ERRFI1: variants seen among roughly 807,000 people sequenced by gnomAD.
The protein encoded by ERRFI1 is mitogen-inducible gene 6 protein.
A neutral mutation model predicts 14.6 loss-of-function variants in ERRFI1; 12 were observed. The observed-to-expected ratio is 0.82, with a 90% CI of 0.53 to 1.33. The LOEUF (loss-of-function observed/expected upper bound fraction) is 1.33, where lower values mean the gene tolerates loss of function less well. ERRFI1 is among the 40% of genes most tolerant of loss of function. The probability of loss-of-function intolerance (pLI) is 0.00; values close to 1 mark genes in which losing one functional copy is unlikely to be tolerated. For missense variants in ERRFI1, 482 were observed against 572.1 expected (o/e 0.84, Z 1.61); for synonymous variants, 202 against 209.9 (o/e 0.96, Z 0.32).
At chr1:8,024,991 G>T (rs1641324090) in intron 1 of ERRFI1, among the ~76,000 whole-genome samples, 1 of 152,090 alleles carries the variant, frequency 6.6e-6, no homozygotes, top group Non-Finnish European at 1.5e-5. Flanking sequence ...TGTACCCACT[G>T]CATTCTTACA....
Position 8,015,614 on chromosome 1 carries a change from T to C in ERRFI1, c.6A>G (p.Ser2=), listed in dbSNP as rs760063562. The change falls in exon 2 of 4, where the codon TCA becomes TCG. Residue 2 remains serine (S), a synonymous_variant. Coordinates refer to ENST00000377482, the MANE Select transcript of ERRFI1 (RefSeq NM_018948.4). M[S]IAGVAAQEIR... The stretch of plus-strand genomic sequence containing the variant: ...TCTCCTGAGCAGCAACTCCTGCTAT[T>C]GACATTGTGCCTTATTCTGGGACAT... The C allele has an allele frequency of 6.2e-7, 1 of 1,614,106 alleles. No homozygotes were observed. Among genetic ancestry groups the C allele is most frequent in the Non-Finnish European group, 8.5e-7 (1 of 1,179,954 alleles).
intron 1 of ERRFI1, among the ~76,000 whole-genome samples, chr1:8,022,435 T>C (rs879301876): frequency 1.3e-5 from 2 of 152,214 alleles, no homozygotes; most frequent in Non-Finnish European, 2.9e-5. Context: ...AGCACCTTCT[T>C]ACACATTATC....
In ERRFI1 at chr1:8,013,574, A is replaced by T. The variant is rs765809707; in HGVS notation, c.1025T>A (p.Leu342His). 1 of 1,613,924 alleles carries T rather than the reference A, an allele frequency of 6.2e-7. No individual in the cohort carries two copies. Among genetic ancestry groups the T allele is most frequent in the South Asian group, 1.1e-5 (1 of 91,052 alleles). ...CTGTGTCGGGGGCATGACCCCATTG[A>T]GGTAAGACGGAAGGCTTTTGGGACT... ...TPSPKSLPSY[L>H]NGVMPPTQSF... Residue 342 changes from leucine to histidine, a missense_variant, in exon 4 of 4, where the codon CTC (leucine) becomes CAC (histidine). Coordinates refer to ENST00000377482, the MANE Select transcript of ERRFI1 (RefSeq NM_018948.4). This position sits in a 1 kb window ranked among gnomAD's most constrained non-coding sequence, Gnocchi z 4.3.
In ERRFI1 at chr1:8,012,576, G is replaced by GC. The variant is rs1334535231; in HGVS notation, c.*633dup. On this transcript the variant is annotated 3_prime_UTR_variant, in exon 4 of 4. Coordinates refer to ENST00000377482, the MANE Select transcript of ERRFI1 (RefSeq NM_018948.4). ...CCTGCTCTCCCTCCCTCAACAAGACGCAACATGAAACCTGGAAGTATGAGG... is the reference window on the plus strand; with the variant it reads ...CCTGCTCTCCCTCCCTCAACAAGACGCCAACATGAAACCTGGAAGTATGAGG... 2 of 224,558 alleles carry GC rather than the reference G, an allele frequency of 8.9e-6. No homozygotes were observed. The highest frequency in any genetic ancestry group is 4.5e-5 in the African/African-American group (2 of 44,814). The allele number at this position is 224,558 out of a possible 1,614,324, so 13.9% of individuals were successfully genotyped here. A position where few individuals can be genotyped will look rare whatever the true frequency, so the allele number is the denominator to read the frequency against.
intron 1 of ERRFI1, among the ~76,000 whole-genome samples, chr1:8,021,541 G>C (rs1270134179): frequency 6.6e-6 from 1 of 152,054 alleles, no homozygotes; most frequent in Non-Finnish European, 1.5e-5. Flanking sequence ...TAAAGACAAC[G>C]AGCACAATGG....
Position 8,013,163 on chromosome 1 carries a change from G to A in ERRFI1, c.*47C>T. On this transcript the variant is annotated 3_prime_UTR_variant, in exon 4 of 4. Coordinates refer to ENST00000377482, the MANE Select transcript of ERRFI1 (RefSeq NM_018948.4). The surrounding 1 kb of genome is among the most constrained non-coding windows in gnomAD (Gnocchi z 4.3). ...CACTTCAATCAAACTGGAAAATTGAGAACCATTTGCTCCTATGTAACCTCT... is the reference window on the plus strand; with the variant it reads ...CACTTCAATCAAACTGGAAAATTGAAAACCATTTGCTCCTATGTAACCTCT... 6.7e-7 allele frequency: 1 copy of A among 1,486,598 alleles called. No homozygotes were observed. Among genetic ancestry groups the A allele is most frequent in the Non-Finnish European group, 9.1e-7 (1 of 1,102,308 alleles). 92.1% of individuals were successfully genotyped at this position (1,486,598 alleles called of 1,614,324 possible). A position where few individuals can be genotyped will look rare whatever the true frequency, so the allele number is the denominator to read the frequency against.
At chr1:8,020,566 T>TC (rs1306362612) in intron 1 of ERRFI1, among the ~76,000 whole-genome samples, 1 of 151,386 alleles carries the variant, frequency 6.6e-6, no homozygotes, top group African/African-American at 2.4e-5. Flanking sequence ...TTTTTTTTTT[T>TC]TTTTGAGACG....
Position 8,013,196 on chromosome 1 carries a change from C to A in ERRFI1, c.*14G>T, listed in dbSNP as rs1257531360. ...TGCTCCTATGTAACCTCTGCTGAAC[C>A]ATGACCCCAAGGTCTAAGGAGAAAC... On this transcript the variant is annotated 3_prime_UTR_variant, in exon 4 of 4. Transcript: ENST00000377482. This position sits in a 1 kb window ranked among gnomAD's most constrained non-coding sequence, Gnocchi z 4.3. 1 of 1,580,572 alleles carries A rather than the reference C, an allele frequency of 6.3e-7. No homozygotes were observed. The highest frequency in any genetic ancestry group is 1.4e-5 in the African/African-American group (1 of 73,212).
At chr1:8,025,455 G>C (rs763877533) in intron 1 of ERRFI1, among the ~76,000 whole-genome samples, 1 of 152,174 alleles carries the variant, frequency 6.6e-6, no homozygotes, top group African/African-American at 2.4e-5. Context: ...AGAGAAGGAA[G>C]AGTTCAGAAC....
At chr1:8,022,025 C>T (rs1280232096) in intron 1 of ERRFI1, among the ~76,000 whole-genome samples, 1 of 152,128 alleles carries the variant, frequency 6.6e-6, no homozygotes, top group Non-Finnish European at 1.5e-5. Context: ...TCTTGGGTAA[C>T]CTGTAGCCTA....
intron 1 of ERRFI1, among the ~76,000 whole-genome samples, chr1:8,017,140 GT>G (rs5772299): frequency 3.1e-4 from 45 of 145,948 alleles, no homozygotes; most frequent in East Asian, 5.9e-4. Flanking sequence ...AAGGCACAGG[GT>G]TTTTTTTTTT....
intron 1 of ERRFI1, among the ~76,000 whole-genome samples, chr1:8,016,890 GA>G (rs1263008388): frequency 6.6e-6 from 1 of 151,416 alleles, no homozygotes; most frequent in Non-Finnish European, 1.5e-5. Context: ...CTGTGGGGGA[GA>G]GGTACACAGG....
rs768009565 is a variant in ERRFI1 at position 8,014,284 on chromosome 1, T to C, written c.315A>G (p.Pro105=). The change falls in exon 4 of 4, where the codon CCA becomes CCG. Residue 105 remains proline (P), a synonymous_variant. Transcript: ENST00000377482. ...CACATACAACTTGATCCTCTTCATG[T>C]GGTCCCAAGTTTTCACTTGGGGGAA... The part of the protein sequence containing the change: ...LLIPPSENLG[P]HEEDQVVCGF... 3 of 1,614,078 alleles carry C rather than the reference T, an allele frequency of 1.9e-6. No homozygotes were observed. Among genetic ancestry groups the C allele is most frequent in the Non-Finnish European group, 2.5e-6 (3 of 1,179,952 alleles).
rs1244752534 is a variant in ERRFI1 at position 8,012,648 on chromosome 1, T to G, written c.*562A>C. 4.4e-6 allele frequency: 1 copy of G among 229,496 alleles called. No individual in the cohort carries two copies. The highest frequency in any genetic ancestry group is 2.2e-5 in the African/African-American group (1 of 45,084). The allele number at this position is 229,496 out of a possible 1,614,324, so 14.2% of individuals were successfully genotyped here. A position where few individuals can be genotyped will look rare whatever the true frequency, so the allele number is the denominator to read the frequency against. On this transcript the variant is annotated 3_prime_UTR_variant, in exon 4 of 4. Transcript: ENST00000377482. Reference sequence around the variant, plus strand: ...AAGCAGGTACACCCATGGTAAAGAATGGATACCCTGCCCTCCATGGAAAAG... The same window carrying G: ...AAGCAGGTACACCCATGGTAAAGAAGGGATACCCTGCCCTCCATGGAAAAG...
intron 1 of ERRFI1, among the ~76,000 whole-genome samples, chr1:8,016,012 C>G (rs1419847523): frequency 1.3e-5 from 2 of 152,202 alleles, no homozygotes; most frequent in Admixed American, 6.5e-5. Context: ...GCAATGCACA[C>G]AGACCCTCCC....
intron 1 of ERRFI1, among the ~76,000 whole-genome samples, chr1:8,018,385 G>T (rs1228566126): frequency 1.7e-5 from 2 of 115,022 alleles, no homozygotes; most frequent in East Asian, 3.4e-4. Flanking sequence ...GGGGGGGGGG[G>T]GGCGCGGAGT....
chr1:8,015,252 G>A lies in ERRFI1; in HGVS notation c.202+56C>T, dbSNP rs76755344. 8.2e-4 allele frequency: 1,236 copies of A among 1,511,488 alleles called. 7 individuals carry two copies. In the Admixed American group the frequency reaches 0.013, roughly 16 times the overall value. 93.6% of individuals were successfully genotyped at this position (1,511,488 alleles called of 1,614,324 possible). On this transcript the variant is annotated intron_variant, in intron 3 of 3. Coordinates refer to ENST00000377482, the MANE Select transcript of ERRFI1 (RefSeq NM_018948.4). Reference sequence around the variant, plus strand: ...ATAATGCTGGAGGACAAGCTAACCCGAATCCAGACTGTTCTTCTCAAATGC... The same window carrying A: ...ATAATGCTGGAGGACAAGCTAACCCAAATCCAGACTGTTCTTCTCAAATGC...
At chr1:8,022,278 C>A (rs531097893) in intron 1 of ERRFI1, among the ~76,000 whole-genome samples, 1 of 152,182 alleles carries the variant, frequency 6.6e-6, no homozygotes, top group African/African-American at 2.4e-5. Context: ...TCGTAATAAG[C>A]GGTTACTACA....
intron 1 of ERRFI1, among the ~76,000 whole-genome samples, chr1:8,025,907 C>T (rs1641340763): frequency 6.6e-6 from 1 of 151,970 alleles, no homozygotes; most frequent in South Asian, 2.1e-4. Context: ...TTCGCGGCGT[C>T]CCCAGGCCCG....
Sources: gnomAD v4.1 joint callset for allele counts (sites outside exome capture counted in the v4.1 genomes callset) on GRCh38, gnomAD v4.1.1 for gene constraint, Gnocchi (gnomAD v3.1) non-coding constraint, MANE v1.5 for transcripts, NCBI Gene and HGNC (gene_info 2026-07-23, HGNC 2026-07-21) for gene names.